ZNF296: variants seen among roughly 807,000 people sequenced by gnomAD.
The protein encoded by ZNF296 is zinc finger protein 296.
A neutral mutation model predicts 13.2 loss-of-function variants in ZNF296; 1 was observed. The ratio of observed to expected loss-of-function variants is 0.08; its 90% CI spans 0.03 to 0.36. The LOEUF is 0.36. ZNF296 is among the 10% of genes least tolerant of loss of function. ZNF296 has a pLI of 0.99. For missense variants in ZNF296, 555 were observed against 688.2 expected, an observed-to-expected ratio of 0.81 and a Z score of 2.16; for synonymous variants, 303 against 289.0, an observed-to-expected ratio of 1.05 and a Z score of -0.49.
Position 45,076,284 on chromosome 19 carries a change from G to A in ZNF296, c.90C>T (p.Leu30=). The change falls in exon 1 of 3, where the codon CTC becomes CTT. Residue 30 remains leucine, a synonymous_variant. Coordinates refer to ENST00000303809, the MANE Select transcript of ZNF296 (RefSeq NM_145288.3). The surrounding 1 kb of genome is among the most constrained non-coding windows in gnomAD (Gnocchi z 4.9). ...CTGGCTCGGGCTTGAGTTCGATGAC[G>A]AGGTCCTGCATTTCCATCTCGTCGT... ...NPDDEMEMQD[L]VIELKPEPDA... is the part of the protein sequence containing the mutation. The A allele has an allele frequency of 6.8e-7, 1 of 1,480,174 alleles. No homozygotes were observed. Among genetic ancestry groups the A allele is most frequent in the African/African-American group, 1.5e-5 (1 of 68,170 alleles). 91.7% of individuals were successfully genotyped at this position (1,480,174 alleles called of 1,614,324 possible).
chr19:45,076,470 T>G lies in ZNF296; in HGVS notation c.-97A>C. On this transcript the variant is annotated 5_prime_UTR_variant, in exon 1 of 3. Transcript: ENST00000303809. This position sits in a 1 kb window ranked among gnomAD's most constrained non-coding sequence, Gnocchi z 4.9. ...GACGCGCGGACCGTGCGCGCTCAGG[T>G]GAGTGACTGCGGCGACCCGCCGCGA... 2.1e-6 allele frequency: 2 copies of G among 948,720 alleles called. No individual in the cohort carries two copies. The highest frequency in any genetic ancestry group is 1.4e-6 in the Non-Finnish European group (1 of 737,374). 58.8% of individuals were successfully genotyped at this position (948,720 alleles called of 1,614,324 possible). A position where few individuals can be genotyped will look rare whatever the true frequency, so the allele number is the denominator to read the frequency against.
rs1393041148 is a variant in ZNF296 at position 45,072,161 on chromosome 19, G to A, written c.868C>T (p.Leu290Phe). 6.2e-7 allele frequency: 1 copy of A among 1,603,710 alleles called. No homozygotes were observed. The highest frequency in any genetic ancestry group is 8.5e-7 in the Non-Finnish European group (1 of 1,174,580). Residue 290 changes from leucine to phenylalanine, a missense_variant, in exon 3 of 3, where the codon CTC becomes TTC. Physicochemically the swap from Leu to Phe is conservative, Grantham distance 22 (BLOSUM62 0). Around this residue, in one of 3 missense-constraint regions of ZNF296, gnomAD observed 410 missense variants for 548.0 expected, o/e 0.75. Coordinates refer to ENST00000303809, the MANE Select transcript of ZNF296 (RefSeq NM_145288.3). ...TGCTCCTGGCTGGTGTCGGCCATGA[G>A]GGGGCTCTGGGGCGGCACCTGCCGG... Reference protein sequence around the residue: ...THRQVPPQSPLMADTSQEQAS... With the variant: ...THRQVPPQSPFMADTSQEQAS...
chr19:45,076,240 G>C lies in ZNF296; in HGVS notation c.134C>G (p.Ala45Gly). ...CGGGGAGAAGGGCCCCAGCCTTGGG[G>C]CCTGTTGGGGCTGCGCGTCTGGCTC... ...KPEPDAQPQQ[A>G]PRLGPFSPKE... Residue 45 changes from alanine (A) to glycine (G), a missense_variant, in exon 1 of 3, where the codon GCC becomes GGC. Coordinates refer to ENST00000303809, the MANE Select transcript of ZNF296 (RefSeq NM_145288.3). The surrounding 1 kb of genome is among the most constrained non-coding windows in gnomAD (Gnocchi z 4.9). 6.6e-7 allele frequency: 1 copy of C among 1,506,118 alleles called. No homozygotes were observed. Among genetic ancestry groups the C allele is most frequent in the Non-Finnish European group, 8.8e-7 (1 of 1,132,612 alleles). The allele number at this position is 1,506,118 out of a possible 1,614,324, so 93.3% of individuals were successfully genotyped here.
rs539980300 is a variant in ZNF296, at chr19:45,074,034, T to A, written c.449-1454A>T. Among the ~76,000 whole-genome samples, 188 of 147,854 alleles carry A rather than the reference T, an allele frequency of 1.3e-3. 1 individual carries two copies. Among genetic ancestry groups the A allele is most frequent in the African/African-American group, 3.5e-3 (139 of 39,728 alleles). On this transcript the variant is annotated intron_variant, in intron 2 of 2. Coordinates refer to ENST00000303809, the MANE Select transcript of ZNF296 (RefSeq NM_145288.3). ...CGAGACTCTGTTTCAAAAAAAAAAA[T>A]TTTTTTTGGTTTAATAAAAATAATT...
At position 45,071,840 on chromosome 19, in the gene ZNF296, T is replaced by G; in HGVS notation, c.1189A>C (p.Asn397His). Residue 397 changes from asparagine to histidine, a missense_variant, in exon 3 of 3, where the codon AAC (asparagine) becomes CAC (histidine). This residue lies in a region of ZNF296 where 410 missense variants were observed against 548.0 expected (regional missense o/e 0.75). Transcript: ENST00000303809. ...SCEFCGKHFT[N>H]SSNLTVHRRS... Reference sequence around the variant, plus strand: ...CGGTGCACCGTCAGGTTGCTGCTGTTGGTAAAATGCTTCCCGCAGAACTCA... The same window carrying G: ...CGGTGCACCGTCAGGTTGCTGCTGTGGGTAAAATGCTTCCCGCAGAACTCA... 1 of 1,612,696 alleles carries G rather than the reference T, an allele frequency of 6.2e-7. No homozygotes were observed. The highest frequency in any genetic ancestry group is 8.5e-7 in the Non-Finnish European group (1 of 1,179,824).
rs1179392065 is a variant in ZNF296 at position 45,071,714 on chromosome 19, T to C, written c.1315A>G (p.Thr439Ala). The C allele has an allele frequency of 6.3e-7, 1 of 1,599,834 alleles. No individual in the cohort carries two copies. The stretch of plus-strand genomic sequence containing the variant: ...CACTCGAAGCGGGTGCTGCCAGGCG[T>C]CATGCCGTGCATGCGGCGGTGGCGG... ...LNRHRRMHGM[T>A]PGSTRFECPH... The change falls in exon 3 of 3, where the codon ACG becomes GCG. Residue 439 changes from threonine (T) to alanine (A), a missense_variant. Around this residue, in one of 3 missense-constraint regions of ZNF296, gnomAD observed 410 missense variants for 548.0 expected, o/e 0.75. Coordinates refer to ENST00000303809, the MANE Select transcript of ZNF296 (RefSeq NM_145288.3).
In ZNF296 at chr19:45,071,838, G is replaced by A. The variant is rs748710460; in HGVS notation, c.1191C>T (p.Asn397=). 2.0e-5 allele frequency: 33 copies of A among 1,613,162 alleles called. No individual in the cohort carries two copies. The highest frequency in any genetic ancestry group is 2.7e-5 in the Non-Finnish European group (32 of 1,180,012). The change falls in exon 3 of 3, where the codon AAC becomes AAT. Residue 397 remains asparagine, a synonymous_variant. Transcript: ENST00000303809. ...SCEFCGKHFT[N]SSNLTVHRRS... is the part of the protein sequence containing the mutation. ...GCCGGTGCACCGTCAGGTTGCTGCT[G>A]TTGGTAAAATGCTTCCCGCAGAACT...
In ZNF296 at chr19:45,072,224, C is replaced by T. The variant is rs954648247; in HGVS notation, c.805G>A (p.Ala269Thr). Residue 269 changes from alanine (A) to threonine (T), a missense_variant, in exon 3 of 3, where the codon GCC becomes ACC. Physicochemically the swap from Ala to Thr is moderately conservative, Grantham distance 58. Around this residue, in one of 3 missense-constraint regions of ZNF296, gnomAD observed 410 missense variants for 548.0 expected, o/e 0.75. Transcript: ENST00000303809. ...TGGCGGTTGAGCTTGCTGCTCTGGG[C>T]GCAGGCGTAGGGACACTGGTCGCAA... ...YACDQCPYAC[A>T]QSSKLNRHKK... 8 of 1,611,384 alleles carry T rather than the reference C, an allele frequency of 5.0e-6. No individual in the cohort carries two copies. In the South Asian group the frequency reaches 5.5e-5, roughly 11 times the overall value.
chr19:45,075,595 C>T, intron 2 of ZNF296, 118 bp downstream of exon 2: 2 of 1,343,752 alleles, frequency 1.5e-6, no homozygotes, highest in East Asian at 4.8e-5. Context: ...AGGCTGCACC[C>T]GATGGGGAGC....
Position 45,071,745 on chromosome 19 carries a change from C to T in ZNF296, c.1284G>A (p.Lys428=). 1 of 1,610,024 alleles carries T rather than the reference C, an allele frequency of 6.2e-7. No individual in the cohort carries two copies. The highest frequency in any genetic ancestry group is 1.1e-5 in the South Asian group (1 of 90,958). ...FCNYACAQSS[K]LNRHRRMHGM... ...CGTGCATGCGGCGGTGGCGGTTGAG[C>T]TTACTGCTCTGGGCGCAGGCGTAGT... The change falls in exon 3 of 3, where the codon AAG becomes AAA. Residue 428 remains lysine (K), a synonymous_variant. Coordinates refer to ENST00000303809, the MANE Select transcript of ZNF296 (RefSeq NM_145288.3).
chr19:45,072,773 A>AAC (rs202091865), intron 2 of ZNF296, among the ~76,000 whole-genome samples, 193 bp from the exon 3 acceptor site: 68,335 of 151,708 alleles, frequency 0.45, 15,713 homozygotes, highest in Non-Finnish European at 0.51. Context: ...GTACCTGAAA[A>AAC]CATTTTTTTT....
At chr19:45,073,654 G>A (rs1000032922) in intron 2 of ZNF296, among the ~76,000 whole-genome samples, 1 of 150,046 alleles carries the variant, frequency 6.7e-6, no homozygotes, top group Non-Finnish European at 1.5e-5. Context: ...TAATCCTTCC[G>A]CCTCAGCCCC....
chr19:45,072,878 C>T (rs973095631), intron 2 of ZNF296, among the ~76,000 whole-genome samples: 1 of 152,202 alleles, frequency 6.6e-6, no homozygotes. Flanking sequence ...TCTCATGCCT[C>T]AGCCTCTAGA....
chr19:45,076,064 CG>C lies in ZNF296; in HGVS notation c.298+11del. The stretch of plus-strand genomic sequence containing the variant: ...GGTAAGGGAGGCTGGGCCCAGGGCC[CG>C]GGGTGCTCACCGGGATAGTTCGGGG... On this transcript the variant is annotated intron_variant, in intron 1 of 2. Coordinates refer to ENST00000303809, the MANE Select transcript of ZNF296 (RefSeq NM_145288.3). The surrounding 1 kb of genome is among the most constrained non-coding windows in gnomAD (Gnocchi z 4.9). 1 of 1,579,328 alleles carries C rather than the reference CG, an allele frequency of 6.3e-7. No individual in the cohort carries two copies.
chr19:45,075,346 T>A (rs1967325097), intron 2 of ZNF296, among the ~76,000 whole-genome samples: 1 of 151,248 alleles, frequency 6.6e-6, no homozygotes, highest in African/African-American at 2.4e-5. Flanking sequence ...CTGCCCTCCC[T>A]AGAGGTCCCC....
At chr19:45,072,908 C>T (rs978805173) in intron 2 of ZNF296, among the ~76,000 whole-genome samples, 1 of 152,136 alleles carries the variant, frequency 6.6e-6, no homozygotes, top group Non-Finnish European at 1.5e-5. Context: ...ATTACAGGCG[C>T]CCGCCACCAT....
Position 45,071,978 on chromosome 19 carries a change from T to C in ZNF296, c.1051A>G (p.Thr351Ala). The change falls in exon 3 of 3, where the codon ACT becomes GCT. Residue 351 changes from threonine (T) to alanine (A), a missense_variant. Transcript: ENST00000303809. The stretch of plus-strand genomic sequence containing the variant: ...TGTTCCGTGGTGATGGCTCCCCAAG[T>C]GTCTCCACCAGGGCCGGCTTGAGCC... ...SGAQAGPGGD[T>A]WGAITTEQRT... 1.2e-6 allele frequency: 2 copies of C among 1,613,572 alleles called. No homozygotes were observed. The highest frequency in any genetic ancestry group is 1.1e-5 in the South Asian group (1 of 91,086).
At chr19:45,074,286 G>T (rs1456895193) in intron 2 of ZNF296, among the ~76,000 whole-genome samples, 2 of 148,552 alleles carry the variant, frequency 1.3e-5, no homozygotes, top group Admixed American at 1.3e-4. Context: ...ACTTGAACCT[G>T]GGAGGCGGAG....
chr19:45,075,052 C>T (rs1568426568), intron 2 of ZNF296, among the ~76,000 whole-genome samples: 1 of 152,172 alleles, frequency 6.6e-6, no homozygotes, highest in African/African-American at 2.4e-5. Context: ...GCCCTGCAGC[C>T]AACACTGACC....
Sources: allele counts gnomAD v4.1 joint callset (sites outside exome capture counted in the v4.1 genomes callset), GRCh38; gene constraint gnomAD v4.1.1; regional missense constraint gnomAD v4.1.1; non-coding constraint Gnocchi (gnomAD v3.1); transcripts MANE v1.5; gene names NCBI Gene and HGNC (gene_info 2026-07-23, HGNC 2026-07-21).